NUDCD3: variants seen among roughly 807,000 people sequenced by gnomAD.
The protein encoded by NUDCD3 is nudC domain-containing protein 3.
Under a neutral mutation model 39.7 loss-of-function variants are expected in NUDCD3, and 13 were observed. That is an observed-to-expected ratio of 0.33 (90% CI 0.21 to 0.52). The LOEUF is 0.52. Ranked by LOEUF, NUDCD3 falls within the 20% of genes least tolerant of loss-of-function variation. NUDCD3 has a pLI of 0.96. For synonymous variants in NUDCD3, 175 were observed against 172.4 expected, an observed-to-expected ratio of 1.02 and a Z score of -0.12; for missense variants, 453 against 458.1, an observed-to-expected ratio of 0.99 and a Z score of 0.10.
At chr7:44,461,029 A>G (rs751990477) in intron 2 of NUDCD3, among the ~76,000 whole-genome samples, 7 of 152,190 alleles carry the variant, frequency 4.6e-5, no homozygotes, top group Non-Finnish European at 1.0e-4. Context: ...TAAAAACCCG[A>G]CGGGTTCAAC....
intron 3 of NUDCD3, among the ~76,000 whole-genome samples, chr7:44,405,742 G>A (rs926753228): frequency 7.9e-5 from 12 of 152,202 alleles, no homozygotes; most frequent in African/African-American, 2.4e-4. Context: ...TTAAATATTC[G>A]TAAATAAAAA....
At chr7:44,391,412 G>T (rs1206305169) in intron 5 of NUDCD3, among the ~76,000 whole-genome samples, 1 of 152,206 alleles carries the variant, frequency 6.6e-6, no homozygotes, top group Admixed American at 6.5e-5. Flanking sequence ...GTATTAATAC[G>T]TGCTGTACCG....
At chr7:44,414,649 A>G (rs1585063653) in intron 3 of NUDCD3, among the ~76,000 whole-genome samples, 1 of 152,210 alleles carries the variant, frequency 6.6e-6, no homozygotes, top group Non-Finnish European at 1.5e-5. Context: ...GTTGTTATAC[A>G]AGTTTTTGCT....
At chr7:44,434,236 C>T (rs1799424582) in intron 2 of NUDCD3, among the ~76,000 whole-genome samples, 1 of 152,150 alleles carries the variant, frequency 6.6e-6, no homozygotes, top group South Asian at 2.1e-4. Context: ...GACCCCAGCC[C>T]TGGGCCCCCA....
At chr7:44,411,286 C>T (rs540647874) in intron 3 of NUDCD3, among the ~76,000 whole-genome samples, 1 of 151,988 alleles carries the variant, frequency 6.6e-6, no homozygotes, top group African/African-American at 2.4e-5. Context: ...ATATTGACTT[C>T]ATCAAAATTT....
chr7:44,428,928 G>A (rs1451079110), intron 2 of NUDCD3, among the ~76,000 whole-genome samples: 1 of 152,162 alleles, frequency 6.6e-6, no homozygotes, highest in Non-Finnish European at 1.5e-5. Context: ...AACCTGGCAG[G>A]GAGACGGCCC....
At chr7:44,431,332 G>A (rs2116907901) in intron 2 of NUDCD3, among the ~76,000 whole-genome samples, 1 of 152,312 alleles carries the variant, frequency 6.6e-6, no homozygotes, top group African/African-American at 2.4e-5. Flanking sequence ...GATGAGCTGG[G>A]ATAACAAGGT....
chr7:44,430,264 G>C (rs1189513933), intron 2 of NUDCD3, among the ~76,000 whole-genome samples: 3 of 152,228 alleles, frequency 2.0e-5, no homozygotes, highest in Non-Finnish European at 4.4e-5. Flanking sequence ...CACGGCAGCA[G>C]CACTAGCCTG....
chr7:44,474,360 C>A (rs1800319526), intron 2 of NUDCD3, among the ~76,000 whole-genome samples: 2 of 152,254 alleles, frequency 1.3e-5, no homozygotes, highest in South Asian at 4.1e-4. Context: ...TCAGTTAGTC[C>A]ACGAGGTAGT....
rs184873085 is a variant in NUDCD3 at position 44,439,055 on chromosome 7, G to A, written c.510-11352C>T. ...AACAGCAATTACAAGCAGTGCATGA[G>A]GATGACTAACTCAAAAACATACAGC... On this transcript the variant is annotated intron_variant, in intron 2 of 5. Transcript: ENST00000355451. 1.2e-3 allele frequency among the ~76,000 whole-genome samples: 189 copies of A among 152,304 alleles called. 4 individuals are homozygous for A. In the South Asian group the frequency reaches 0.02, roughly 16 times the overall value.
intron 4 of NUDCD3, among the ~76,000 whole-genome samples, chr7:44,400,067 C>G (rs1185470990): frequency 6.6e-6 from 1 of 152,210 alleles, no homozygotes; most frequent in African/African-American, 2.4e-5. Flanking sequence ...CCACCCACGG[C>G]AGCATGGAGG....
chr7:44,420,649 T>C (rs1401458452), intron 3 of NUDCD3, among the ~76,000 whole-genome samples: 1 of 152,144 alleles, frequency 6.6e-6, no homozygotes, highest in African/African-American at 2.4e-5. Flanking sequence ...ACAGCAGATC[T>C]CTCTGCAGAA....
At chr7:44,402,045 C>T (rs957887710) in intron 4 of NUDCD3, among the ~76,000 whole-genome samples, 30 of 152,314 alleles carry the variant, frequency 2.0e-4, no homozygotes, top group African/African-American at 6.7e-4. Context: ...TCAGCTGAAA[C>T]GGAGCAATGC....
In NUDCD3 at chr7:44,384,808, A is replaced by G. The variant is rs1195344868; in HGVS notation, c.*1203T>C. The G allele has an allele frequency of 1.3e-5, 2 of 152,282 alleles. No homozygotes were observed. The highest frequency in any genetic ancestry group is 2.9e-5 in the Non-Finnish European group (2 of 68,076). 9.4% of individuals were successfully genotyped at this position (152,282 alleles called of 1,614,324 possible). A position where few individuals can be genotyped will look rare whatever the true frequency, so the allele number is the denominator to read the frequency against. On this transcript the variant is annotated 3_prime_UTR_variant, in exon 6 of 6. Coordinates refer to ENST00000355451, the MANE Select transcript of NUDCD3 (RefSeq NM_015332.4). ...ACCATACTCCCGGCGATGGGCACCC[A>G]GAGCCCCTGTGAGTACTTGGAACAC...
At chr7:44,458,493 C>CT (rs974561838) in intron 2 of NUDCD3, among the ~76,000 whole-genome samples, 1 of 152,060 alleles carries the variant, frequency 6.6e-6, no homozygotes, top group Non-Finnish European at 1.5e-5. Context: ...AACCCCGTCT[C>CT]TATTAAATAC....
At chr7:44,480,011 T>C (rs879542845) in intron 2 of NUDCD3, among the ~76,000 whole-genome samples, 2 of 152,224 alleles carry the variant, frequency 1.3e-5, no homozygotes, top group Non-Finnish European at 2.9e-5. Context: ...AAAGGTTTGA[T>C]TAGGATTCTT....
chr7:44,396,245 T>C (rs1798623003), intron 4 of NUDCD3, among the ~76,000 whole-genome samples: 1 of 152,096 alleles, frequency 6.6e-6, no homozygotes, highest in Admixed American at 6.5e-5. Context: ...CCATCTGTCA[T>C]CACTGTAACC....
At chr7:44,484,877 AAT>A in intron 2 of NUDCD3, 89 bp downstream of exon 2, 1 of 926,088 alleles carries the variant, frequency 1.1e-6, no homozygotes. Flanking sequence ...ATCAAGAATT[AAT>A]GTGTTACAAA....
At chr7:44,446,936 A>G (rs1799699771) in intron 2 of NUDCD3, among the ~76,000 whole-genome samples, 1 of 152,232 alleles carries the variant, frequency 6.6e-6, no homozygotes, top group Non-Finnish European at 1.5e-5. Context: ...TTCATTTGAG[A>G]ATTCTCTGTA....
Sources: allele counts gnomAD v4.1 joint callset (sites outside exome capture counted in the v4.1 genomes callset), GRCh38; gene constraint gnomAD v4.1.1; transcripts MANE v1.5; gene names NCBI Gene and HGNC (gene_info 2026-07-23, HGNC 2026-07-21).